MCUB: variants seen among roughly 807,000 people sequenced by gnomAD.
MCUB encodes calcium uniporter regulatory subunit MCUb, mitochondrial.
A neutral mutation model predicts 41.4 loss-of-function variants in MCUB; 46 were observed. The observed-to-expected ratio is 1.11, with a 90% CI of 0.88 to 1.42. MCUB has a LOEUF of 1.42. Among genes scored for constraint, MCUB ranks in the 40% most tolerant of loss-of-function variants. The pLI is 0.00. For synonymous variants in MCUB, 148 were observed against 148.2 expected, an observed-to-expected ratio of 1.00 and a Z score of 0.01; for missense variants, 403 against 404.9, an observed-to-expected ratio of 1.00 and a Z score of 0.04.
rs374917437 is a variant in MCUB at position 109,569,596 on chromosome 4, C to T, written c.99+9160C>T. Among the ~76,000 whole-genome samples, 360 of 149,310 alleles carry T rather than the reference C, an allele frequency of 2.4e-3. 1 individual carries two copies. The highest frequency in any genetic ancestry group is 8.3e-3 in the African/African-American group (334 of 40,268). On this transcript the variant is annotated intron_variant, in intron 1 of 7. Transcript: ENST00000394650. ...TTGGCTTACTGCACCCTCTGCCTCC[C>T]GGGTTCAAACGATTCTCCTGCCTCA...
intron 1 of MCUB, among the ~76,000 whole-genome samples, chr4:109,634,485 GAAAA>G (rs34174576): frequency 1.6e-5 from 2 of 124,420 alleles, no homozygotes. Flanking sequence ...CTCTGTCTCA[GAAAA>G]AAAAAAAAAA....
At chr4:109,682,511 G>T in intron 4 of MCUB, 71 bp from the exon 5 acceptor site, 1 of 1,231,722 alleles carries the variant, frequency 8.1e-7, no homozygotes, top group Non-Finnish European at 1.1e-6. Flanking sequence ...AGAGAATTGG[G>T]GACCGAAAGA....
At chr4:109,681,854 C>T (rs1426435061) in intron 4 of MCUB, among the ~76,000 whole-genome samples, 1 of 152,240 alleles carries the variant, frequency 6.6e-6, no homozygotes, top group Non-Finnish European at 1.5e-5. Context: ...CAGTAACAAA[C>T]ACGAACCAGA....
chr4:109,605,387 A>G (rs1208074313), intron 1 of MCUB, among the ~76,000 whole-genome samples: 1 of 152,214 alleles, frequency 6.6e-6, no homozygotes, highest in African/African-American at 2.4e-5. Flanking sequence ...TTGTGGTCAG[A>G]GAAAATACTT....
At chr4:109,577,837 C>G (rs1440540133) in intron 1 of MCUB, among the ~76,000 whole-genome samples, 1 of 116,166 alleles carries the variant, frequency 8.6e-6, no homozygotes, top group African/African-American at 3.1e-5. Flanking sequence ...GTCTCGATCT[C>G]CTGACCTCGT....
chr4:109,569,528 G>A (rs1307520668), intron 1 of MCUB, among the ~76,000 whole-genome samples: 3 of 125,130 alleles, frequency 2.4e-5, no homozygotes, highest in Middle Eastern at 4.8e-3. Context: ...TTTTGAGATG[G>A]AGTCTCACTC....
chr4:109,602,310 C>G (rs1224910618), intron 1 of MCUB, among the ~76,000 whole-genome samples: 2 of 152,068 alleles, frequency 1.3e-5, no homozygotes, highest in Non-Finnish European at 2.9e-5. Flanking sequence ...TGAGAGTTTC[C>G]CCAATGTTTT....
At chr4:109,610,249 C>T (rs373930239) in intron 1 of MCUB, among the ~76,000 whole-genome samples, 2 of 152,176 alleles carry the variant, frequency 1.3e-5, no homozygotes, top group African/African-American at 4.8e-5. Flanking sequence ...ACCCCAAGAG[C>T]CTGCTCAGTG....
intron 1 of MCUB, among the ~76,000 whole-genome samples, chr4:109,635,295 T>A (rs909387860): frequency 5.9e-5 from 9 of 152,204 alleles, no homozygotes; most frequent in African/African-American, 1.9e-4. Flanking sequence ...TAGAATGATT[T>A]ATAATCCTTT....
chr4:109,576,606 G>A (rs1288032648), intron 1 of MCUB, among the ~76,000 whole-genome samples: 2 of 145,984 alleles, frequency 1.4e-5, no homozygotes, highest in Non-Finnish European at 3.0e-5. Flanking sequence ...GAACTCTTTT[G>A]TGTTGCTAGT....
At chr4:109,648,399 G>A (rs726584) in intron 1 of MCUB, 175,508 of 246,952 alleles carry the variant, frequency 0.71, 63,359 homozygotes, top group African/African-American at 0.86. Context: ...ATTGTTGGCT[G>A]CTAGCCAAAT....
chr4:109,600,646 G>A (rs1009478224), intron 1 of MCUB, among the ~76,000 whole-genome samples: 4 of 152,136 alleles, frequency 2.6e-5, no homozygotes, highest in Non-Finnish European at 4.4e-5. Flanking sequence ...TCAGCTGGTG[G>A]TAGGAATAGG....
chr4:109,680,050 C>T (rs944578112), intron 4 of MCUB, among the ~76,000 whole-genome samples: 6 of 152,180 alleles, frequency 3.9e-5, no homozygotes, highest in Non-Finnish European at 7.3e-5. Context: ...GATCCACCCA[C>T]CTTGGCCTCC....
intron 2 of MCUB, among the ~76,000 whole-genome samples, chr4:109,659,366 G>T (rs916585703): frequency 6.6e-6 from 1 of 152,124 alleles, no homozygotes; most frequent in Admixed American, 6.5e-5. Flanking sequence ...ACGGCAGGCG[G>T]ATCACTTCAG....
intron 1 of MCUB, among the ~76,000 whole-genome samples, chr4:109,608,774 T>G (rs1315106743): frequency 1.3e-5 from 2 of 152,180 alleles, no homozygotes; most frequent in Non-Finnish European, 2.9e-5. Flanking sequence ...GTTCTGGGAT[T>G]AAAGGCATGA....
At chr4:109,582,705 T>C (rs982974642) in intron 1 of MCUB, among the ~76,000 whole-genome samples, 1 of 152,204 alleles carries the variant, frequency 6.6e-6, no homozygotes, top group Non-Finnish European at 1.5e-5. Context: ...GTTTTAGGTC[T>C]AACATGTAAG....
intron 1 of MCUB, among the ~76,000 whole-genome samples, chr4:109,656,843 A>G (rs1219771635): frequency 1.3e-5 from 2 of 152,128 alleles, no homozygotes; most frequent in African/African-American, 4.8e-5. Flanking sequence ...ACTTCTACCT[A>G]TATTTATTTA....
intron 1 of MCUB, among the ~76,000 whole-genome samples, chr4:109,571,270 G>T (rs1435563180): frequency 6.6e-6 from 1 of 151,912 alleles, no homozygotes; most frequent in East Asian, 1.9e-4. Context: ...AGAGTAAGCT[G>T]TGCTGCTGAA....
At chr4:109,659,903 CA>C (rs1231285372) in intron 2 of MCUB, among the ~76,000 whole-genome samples, 13 of 152,186 alleles carry the variant, frequency 8.5e-5, no homozygotes, top group Admixed American at 6.5e-5. Flanking sequence ...GGCAGTCCAC[CA>C]ATCTGAGCCT....
Sources: allele counts gnomAD v4.1 joint callset (sites outside exome capture counted in the v4.1 genomes callset), GRCh38; gene constraint gnomAD v4.1.1; transcripts MANE v1.5; gene names NCBI Gene and HGNC (gene_info 2026-07-23, HGNC 2026-07-21).